Variants in RAD54L2 observed in about 807,000 individuals in gnomAD.
RAD54L2 encodes the protein RAD54 like 2.
RAD54L2 carries 27 observed loss-of-function variants against 138.4 expected under a neutral mutation model. The ratio of observed to expected loss-of-function variants is 0.20; its 90% CI spans 0.14 to 0.27. RAD54L2 has a LOEUF of 0.27. Among genes scored for constraint, RAD54L2 ranks in the 10% least tolerant of loss-of-function variants. The probability of loss-of-function intolerance (pLI) is 1.00; values close to 1 mark genes in which losing one functional copy is unlikely to be tolerated. For missense variants in RAD54L2, 1,396 were observed against 1,890.2 expected, an observed-to-expected ratio of 0.74 and a Z score of 4.85; for synonymous variants, 644 against 723.2, an observed-to-expected ratio of 0.89 and a Z score of 1.76.
chr3:51,561,297 G>C (rs1240470625), intron 2 of RAD54L2, among the ~76,000 whole-genome samples: 1 of 152,214 alleles, frequency 6.6e-6, no homozygotes, highest in Non-Finnish European at 1.5e-5. Flanking sequence ...CCAGGCTGGA[G>C]TGCAGAAATG....
At chr3:51,545,931 C>CTTTTT (rs781819728) in intron 2 of RAD54L2, among the ~76,000 whole-genome samples, 27 of 79,450 alleles carry the variant, frequency 3.4e-4, no homozygotes, top group African/African-American at 4.6e-4. Flanking sequence ...TACATCAATT[C>CTTTTT]TTTTTTTTTT....
intron 2 of RAD54L2, among the ~76,000 whole-genome samples, chr3:51,543,220 G>A (rs932425003): frequency 6.6e-6 from 1 of 151,872 alleles, no homozygotes; most frequent in African/African-American, 2.4e-5. Flanking sequence ...AATAAGTAGA[G>A]GCCAGAAGTG....
intron 19 of RAD54L2, among the ~76,000 whole-genome samples, chr3:51,654,207 G>A (rs964682272): frequency 3.3e-5 from 5 of 151,920 alleles, no homozygotes; most frequent in South Asian, 2.1e-4. Context: ...ACCACCACGC[G>A]TGGCTAATTT....
intron 1 of RAD54L2, among the ~76,000 whole-genome samples, chr3:51,539,555 G>A (rs991605024): frequency 6.6e-6 from 1 of 152,206 alleles, no homozygotes; most frequent in African/African-American, 2.4e-5. Context: ...TATCACAGGA[G>A]TGAGTAGTGG....
intron 16 of RAD54L2, among the ~76,000 whole-genome samples, chr3:51,644,668 G>A (rs1431340667): frequency 2.6e-5 from 4 of 152,224 alleles, no homozygotes; most frequent in African/African-American, 4.8e-5. Context: ...TTGGCAGGAT[G>A]TAAGCCAGTC....
Position 51,639,956 on chromosome 3 carries a change from A to T in RAD54L2, c.2188A>T (p.Ile730Phe), listed in dbSNP as rs1701085463. 9.9e-6 allele frequency: 16 copies of T among 1,611,840 alleles called. No homozygotes were observed. The highest frequency in any genetic ancestry group is 1.4e-5 in the Non-Finnish European group (16 of 1,178,470). Residue 730 changes from isoleucine (I) to phenylalanine (F), a missense_variant, in exon 14 of 23, where the codon ATT becomes TTT. Physicochemically the swap from Ile to Phe is conservative, Grantham distance 21 (BLOSUM62 0). Coordinates refer to ENST00000684192, the MANE Select transcript of RAD54L2 (RefSeq NM_015106.4). ...SPKMVLLFHL[I>F]EESVKLGDKI... ...CAAGATGGTACTGCTTTTCCACCTGATTGAGGAAAGTGTGAAGCTTGGGGA... is the reference window on the plus strand; with the variant it reads ...CAAGATGGTACTGCTTTTCCACCTGTTTGAGGAAAGTGTGAAGCTTGGGGA...
intron 3 of RAD54L2, among the ~76,000 whole-genome samples, chr3:51,608,199 C>T (rs934306312): frequency 1.3e-5 from 2 of 150,460 alleles, no homozygotes; most frequent in South Asian, 2.1e-4. Flanking sequence ...GGGTCGCGGC[C>T]GGGCAGAGGC....
chr3:51,545,668 C>G (rs1273728875), intron 2 of RAD54L2, among the ~76,000 whole-genome samples: 3 of 151,924 alleles, frequency 2.0e-5, no homozygotes, highest in Non-Finnish European at 2.9e-5. Context: ...TAGCCTTGAC[C>G]TCTCAGGCTC....
chr3:51,547,713 C>T (rs1698731456), intron 2 of RAD54L2, among the ~76,000 whole-genome samples: 1 of 151,536 alleles, frequency 6.6e-6, no homozygotes, highest in South Asian at 2.1e-4. Flanking sequence ...TCTTGAGTAG[C>T]TAGGACTAAT....
At chr3:51,656,346 A>G (rs938533454) in intron 20 of RAD54L2, among the ~76,000 whole-genome samples, 176 bp downstream of exon 20, 11 of 152,240 alleles carry the variant, frequency 7.2e-5, no homozygotes, top group Admixed American at 1.3e-4. Context: ...TTCTAGTGAA[A>G]TATCTTAAGA....
chr3:51,624,395 A>T (rs1373771232), intron 3 of RAD54L2, among the ~76,000 whole-genome samples: 8 of 151,786 alleles, frequency 5.3e-5, no homozygotes. Context: ...AGTGCATGAC[A>T]CCATGCTCAT....
chr3:51,638,703 A>C lies in RAD54L2; in HGVS notation c.1860+382A>C. Reference sequence around the variant, plus strand: ...TACCTTCCATTGGATTCCATACTTAATCAGATTGAGACCTCTCTCATTCTT... The same window carrying C: ...TACCTTCCATTGGATTCCATACTTACTCAGATTGAGACCTCTCTCATTCTT... On this transcript the variant is annotated intron_variant, in intron 12 of 22. Transcript: ENST00000684192. The surrounding 1 kb of genome is among the most constrained non-coding windows in gnomAD (Gnocchi z 4.3). 1 of 177,094 alleles carries C rather than the reference A, an allele frequency of 5.6e-6. No homozygotes were observed. The highest frequency in any genetic ancestry group is 1.2e-5 in the Non-Finnish European group (1 of 83,438). The allele number at this position is 177,094 out of a possible 1,614,324, so 11.0% of individuals were successfully genotyped here.
chr3:51,573,594 C>A (rs1699391797), intron 2 of RAD54L2, among the ~76,000 whole-genome samples: 2 of 152,088 alleles, frequency 1.3e-5, no homozygotes, highest in South Asian at 4.1e-4. Flanking sequence ...CGCCACCACG[C>A]CCGAGTAGGT....
chr3:51,628,174 T>A (rs1466102661), intron 4 of RAD54L2, among the ~76,000 whole-genome samples: 1 of 152,144 alleles, frequency 6.6e-6, no homozygotes, highest in Non-Finnish European at 1.5e-5. Context: ...CAAGACTCCT[T>A]CTAAGAGCAA....
chr3:51,558,569 A>C (rs1426336525), intron 2 of RAD54L2, among the ~76,000 whole-genome samples: 1 of 151,896 alleles, frequency 6.6e-6, no homozygotes, highest in Non-Finnish European at 1.5e-5. Flanking sequence ...GCCTGGGTGC[A>C]AGTGATTCCG....
Position 51,548,104 on chromosome 3 carries a change from G to C in RAD54L2, c.-55+6454G>C, listed in dbSNP as rs571346128. Among the ~76,000 whole-genome samples the C allele has an allele frequency of 2.5e-3, 376 of 152,172 alleles. 3 individuals are homozygous for C. The highest frequency in any genetic ancestry group is 8.4e-3 in the African/African-American group (348 of 41,526). ...AGATGGGGTTTCGCCATGTTGGGCA[G>C]GCTGGTCTTGAACTCCTGACCTCAG... On this transcript the variant is annotated intron_variant, in intron 2 of 22. Transcript: ENST00000684192.
At chr3:51,635,920 T>C (rs1434187456) in intron 10 of RAD54L2, 131 bp downstream of exon 10, 2 of 968,062 alleles carry the variant, frequency 2.1e-6, no homozygotes, top group East Asian at 2.7e-5. Flanking sequence ...AAAATCCTGG[T>C]TCCCAAGATC....
Position 51,590,350 on chromosome 3 carries a change from C to T in RAD54L2, c.-54-17C>T. On this transcript the variant is annotated splice_polypyrimidine_tract_variant and intron_variant, in intron 2 of 22. Coordinates refer to ENST00000684192, the MANE Select transcript of RAD54L2 (RefSeq NM_015106.4). ...GCAAAACCCTTGGTGATTCTGATGC[C>T]TTTCATCCTCTCCTAGCACCCCTGC... 6.9e-7 allele frequency: 1 copy of T among 1,439,012 alleles called. No individual in the cohort carries two copies. Among genetic ancestry groups the T allele is most frequent in the Non-Finnish European group, 9.2e-7 (1 of 1,089,694 alleles). 89.1% of individuals were successfully genotyped at this position (1,439,012 alleles called of 1,614,324 possible). A position where few individuals can be genotyped will look rare whatever the true frequency, so the allele number is the denominator to read the frequency against.
chr3:51,557,909 ATC>A lies in RAD54L2; in HGVS notation c.-55+16263_-55+16264del, dbSNP rs370988568. 3.6e-3 allele frequency among the ~76,000 whole-genome samples: 550 copies of A among 151,706 alleles called. 2 individuals are homozygous for A. The highest frequency in any genetic ancestry group is 0.012 in the African/African-American group (516 of 41,344). ...GGTCTCGCTCTGTTGCAGTGGCACA[ATC>A]TCTGCTCATTGCAACCTTCACCTCC... On this transcript the variant is annotated intron_variant, in intron 2 of 22. Transcript: ENST00000684192.
Sources: allele counts gnomAD v4.1 joint callset (sites outside exome capture counted in the v4.1 genomes callset), GRCh38; gene constraint gnomAD v4.1.1; non-coding constraint Gnocchi (gnomAD v3.1); transcripts MANE v1.5; gene names NCBI Gene and HGNC (gene_info 2026-07-23, HGNC 2026-07-21).